Variants in ZNF292 observed in about 807,000 individuals in gnomAD.
The protein encoded by ZNF292 is zinc finger protein 292.
In ZNF292, 26 loss-of-function variants were observed where a neutral mutation model predicts 217.9. That is an observed-to-expected ratio of 0.12 (90% CI 0.09 to 0.17). The LOEUF (loss-of-function observed/expected upper bound fraction) is 0.17, where lower values mean the gene tolerates loss of function less well. Ranked by LOEUF, ZNF292 falls within the 10% of genes least tolerant of loss-of-function variation. The probability of loss-of-function intolerance (pLI) is 1.00; values close to 1 mark genes in which losing one functional copy is unlikely to be tolerated. For missense variants in ZNF292, 2,904 were observed against 3,175.2 expected (o/e 0.91, Z 2.05); for synonymous variants, 1,257 against 1,124.1 (o/e 1.12, Z -2.37).
At chr6:87,235,745 A>G (rs931043652) in intron 5 of ZNF292, among the ~76,000 whole-genome samples, 3 of 151,998 alleles carry the variant, frequency 2.0e-5, no homozygotes, top group Non-Finnish European at 4.4e-5. Flanking sequence ...ATATGGAACT[A>G]TTTCCCTCCC....
chr6:87,160,867 G>C (rs906375300), intron 1 of ZNF292, among the ~76,000 whole-genome samples: 1 of 152,082 alleles, frequency 6.6e-6, no homozygotes, highest in Non-Finnish European at 1.5e-5. Context: ...TCAATGCTAA[G>C]TTTTCTGAAG....
At position 87,262,583 on chromosome 6, in the gene ZNF292, A is replaced by G. The variant is rs553619859; in HGVS notation, c.*782A>G. 2 of 152,052 alleles carry G rather than the reference A, an allele frequency of 1.3e-5. No individual in the cohort carries two copies. Among genetic ancestry groups the G allele is most frequent in the Admixed American group, 1.3e-4 (2 of 15,272 alleles). The allele number at this position is 152,052 out of a possible 1,614,324, so 9.4% of individuals were successfully genotyped here. On this transcript the variant is annotated 3_prime_UTR_variant, in exon 8 of 8. Transcript: ENST00000369577. ...TGAAATACAATGGAAATGTGAATAA[A>G]GAATTTACTACATTGAAGATTTTAA...
intron 7 of ZNF292, chr6:87,249,468 TA>T: frequency 5.3e-6 from 1 of 187,410 alleles, no homozygotes; most frequent in South Asian, 7.0e-5. Context: ...TGCACCATGG[TA>T]ATTGCTCTGT....
chr6:87,244,243 A>G (rs373721246), intron 6 of ZNF292, among the ~76,000 whole-genome samples: 4 of 152,226 alleles, frequency 2.6e-5, no homozygotes, highest in East Asian at 3.8e-4. Context: ...TGTGTAATCA[A>G]TAAAGATTGA....
intron 5 of ZNF292, among the ~76,000 whole-genome samples, chr6:87,238,485 C>CAA (rs752151881): frequency 1.5e-4 from 15 of 99,700 alleles, no homozygotes; most frequent in African/African-American, 3.6e-4. Flanking sequence ...GTCTCCATCT[C>CAA]AAAAAAAAAA....
chr6:87,166,355 A>G (rs61564736), intron 1 of ZNF292, among the ~76,000 whole-genome samples: 109 of 152,310 alleles, frequency 7.2e-4, no homozygotes, highest in African/African-American at 2.6e-3. Context: ...GGGTTCAACT[A>G]TGAGCTCCCC....
chr6:87,156,127 A>G (rs1328750163), intron 1 of ZNF292, among the ~76,000 whole-genome samples: 2 of 152,182 alleles, frequency 1.3e-5, no homozygotes, highest in East Asian at 1.9e-4. Context: ...TGCACTGGGG[A>G]TTACCGCGCC....
At chr6:87,179,619 G>A (rs1771407805) in intron 1 of ZNF292, among the ~76,000 whole-genome samples, 1 of 152,030 alleles carries the variant, frequency 6.6e-6, no homozygotes, top group African/African-American at 2.4e-5. Context: ...TAAATCATAT[G>A]TATAAATATA....
chr6:87,198,778 C>T (rs73483743), intron 1 of ZNF292, among the ~76,000 whole-genome samples: 12,441 of 152,156 alleles, frequency 0.082, 863 homozygotes, highest in African/African-American at 0.19. Context: ...CCTTGGGTTG[C>T]GTCTCATAAA....
intron 5 of ZNF292, among the ~76,000 whole-genome samples, chr6:87,239,758 G>T: frequency 6.8e-6 from 1 of 147,758 alleles, no homozygotes; most frequent in Non-Finnish European, 1.5e-5. Context: ...CAGATGGGGC[G>T]GTGGGGCAGA....
At chr6:87,217,863 G>A (rs1417880749) in intron 3 of ZNF292, among the ~76,000 whole-genome samples, 1 of 152,056 alleles carries the variant, frequency 6.6e-6, no homozygotes, top group East Asian at 1.9e-4. Context: ...GTTAGTTTAT[G>A]CCTGTTTAAC....
Position 87,255,966 on chromosome 6 carries a change from A to G in ZNF292, c.2337A>G (p.Ala779=). Residue 779 remains alanine, a synonymous_variant, in exon 8 of 8, where the codon GCA becomes GCG. Coordinates refer to ENST00000369577, the MANE Select transcript of ZNF292 (RefSeq NM_015021.3). The part of the protein sequence containing the change: ...THRKEHQVFR[A]KCMFPKCGRI... ...GAAAGGAGCATCAAGTCTTTAGAGCAAAATGTATGTTTCCTAAATGTGGAA... is the reference window on the plus strand; with the variant it reads ...GAAAGGAGCATCAAGTCTTTAGAGCGAAATGTATGTTTCCTAAATGTGGAA... The G allele has an allele frequency of 6.2e-7, 1 of 1,611,624 alleles. No homozygotes were observed. The highest frequency in any genetic ancestry group is 8.5e-7 in the Non-Finnish European group (1 of 1,178,622).
At chr6:87,183,942 A>G (rs1771552036) in intron 1 of ZNF292, among the ~76,000 whole-genome samples, 2 of 152,238 alleles carry the variant, frequency 1.3e-5, no homozygotes, top group Admixed American at 1.3e-4. Flanking sequence ...TTGCCCAGAG[A>G]GCCAAGATCT....
chr6:87,181,808 A>G (rs1012521343), intron 1 of ZNF292, among the ~76,000 whole-genome samples: 4 of 151,908 alleles, frequency 2.6e-5, no homozygotes, highest in Admixed American at 6.6e-5. Flanking sequence ...CAGCCTCCCA[A>G]GTGGCTGGGA....
At chr6:87,242,031 A>G (rs952078064) in intron 5 of ZNF292, among the ~76,000 whole-genome samples, 2 of 152,204 alleles carry the variant, frequency 1.3e-5, no homozygotes, top group Non-Finnish European at 2.9e-5. Context: ...TGTATATAAA[A>G]TGTTAGTGAT....
chr6:87,172,249 G>T (rs542537508), intron 1 of ZNF292, among the ~76,000 whole-genome samples: 1 of 152,074 alleles, frequency 6.6e-6, no homozygotes, highest in South Asian at 2.1e-4. Context: ...TCATTAAAAA[G>T]TAATCAGGAA....
rs1225430133 is a variant in ZNF292 at position 87,169,083 on chromosome 6, C to T, written c.168+13324C>T. ...TTTGAGACAGAGTCTTGCTCTGTTG[C>T]CCCAGCTGCAGTGCAGTGGCACCAT... On this transcript the variant is annotated intron_variant, in intron 1 of 7. Transcript: ENST00000369577. Among the ~76,000 whole-genome samples the T allele has an allele frequency of 6.6e-5, 10 of 151,468 alleles. No individual in the cohort carries two copies. The South Asian group carries it at 1.5e-3, about 22-fold the overall frequency.
At position 87,219,794 on chromosome 6, in the gene ZNF292, G is replaced by A. The variant is rs186826618; in HGVS notation, c.538+1063G>A. ...CTACAGTGTTCTCGAGACCTTGGAA[G>A]GAGATCCTTTCATTACTTAATAATA... On this transcript the variant is annotated intron_variant, in intron 4 of 7. Coordinates refer to ENST00000369577, the MANE Select transcript of ZNF292 (RefSeq NM_015021.3). Among the ~76,000 whole-genome samples, 11 of 152,220 alleles carry A rather than the reference G, an allele frequency of 7.2e-5. No homozygotes were observed. In the East Asian group the frequency reaches 1.9e-3, roughly 27 times the overall value.
At chr6:87,195,149 T>A (rs1021616794) in intron 1 of ZNF292, among the ~76,000 whole-genome samples, 1 of 152,248 alleles carries the variant, frequency 6.6e-6, no homozygotes, top group Non-Finnish European at 1.5e-5. Context: ...GTACTATTTT[T>A]ATTTAACATA....
Sources: gnomAD v4.1 joint callset for allele counts (sites outside exome capture counted in the v4.1 genomes callset) on GRCh38, gnomAD v4.1.1 for gene constraint, MANE v1.5 for transcripts, NCBI Gene and HGNC (gene_info 2026-07-23, HGNC 2026-07-21) for gene names.